Variants in ATG4A observed in about 807,000 individuals in gnomAD.
ATG4A encodes the protein cysteine protease ATG4A.
In ATG4A, 22 loss-of-function variants were observed where a neutral mutation model predicts 38.4. The observed-to-expected ratio is 0.57, with a 90% CI of 0.41 to 0.82. The LOEUF (loss-of-function observed/expected upper bound fraction) is 0.82, where lower values mean the gene tolerates loss of function less well. Ranked by LOEUF, ATG4A falls within the 40% of genes least tolerant of loss-of-function variation. The pLI, the probability that ATG4A is intolerant of heterozygous loss-of-function variation, is 0.00. For missense variants in ATG4A, 220 were observed against 290.0 expected, an observed-to-expected ratio of 0.76 and a Z score of 1.75; for synonymous variants, 86 against 100.7, an observed-to-expected ratio of 0.85 and a Z score of 0.88.
intron 1 of ATG4A, among the ~76,000 whole-genome samples, chrX:108,111,713 CA>C (rs1569302486): frequency 1.8e-5 from 2 of 112,099 alleles, no homozygotes; most frequent in Non-Finnish European, 3.8e-5. Context: ...CGTGTCTCAC[CA>C]AGTAGAGTAA....
chrX:108,119,083 G>C lies in ATG4A; in HGVS notation c.11-6994G>C, dbSNP rs376718360. 1.2e-4 allele frequency among the ~76,000 whole-genome samples: 13 copies of C among 111,842 alleles called. No individual in the cohort carries two copies. The East Asian group carries it at 3.1e-3, about 27-fold the overall frequency. On this transcript the variant is annotated intron_variant, in intron 1 of 12. Transcript: ENST00000372232. Reference sequence around the variant, plus strand: ...ATACAGACTCTCTTAAGAGAGACAAGTGAACACATCTTCTCTTCCTAGGGC... The same window carrying C: ...ATACAGACTCTCTTAAGAGAGACAACTGAACACATCTTCTCTTCCTAGGGC...
chrX:108,096,033 T>C (rs1330283849), intron 1 of ATG4A, among the ~76,000 whole-genome samples: 1 of 112,365 alleles, frequency 8.9e-6, no homozygotes, highest in Admixed American at 9.4e-5. Context: ...TCTTTACCAA[T>C]ACTTATTAAT....
intron 9 of ATG4A, among the ~76,000 whole-genome samples, chrX:108,140,933 T>C (rs971412168): frequency 1.5e-5 from 1 of 65,920 alleles, no homozygotes; most frequent in African/African-American, 5.4e-5. Context: ...TATACATATA[T>C]ATACATATAT....
intron 1 of ATG4A, among the ~76,000 whole-genome samples, chrX:108,117,371 G>A (rs1293540090): frequency 9.0e-6 from 1 of 111,527 alleles, no homozygotes; most frequent in African/African-American, 3.3e-5. Flanking sequence ...CATAAAGGAG[G>A]TATAAATTAA....
intron 1 of ATG4A, among the ~76,000 whole-genome samples, chrX:108,120,653 A>G (rs1602638076): frequency 8.9e-6 from 1 of 112,407 alleles, no homozygotes. Context: ...TCTGTAAGAA[A>G]TGTCATATTT....
Position 108,150,233 on chromosome X carries a change from C to T in ATG4A, c.896C>T (p.Thr299Ile). Residue 299 changes from threonine (T) to isoleucine (I), a missense_variant, in exon 10 of 13, where the codon ACT (threonine) becomes ATT (isoleucine). Thr to Ile is a moderately conservative substitution (Grantham distance 89). Around this residue, in one of 3 missense-constraint regions of ATG4A, gnomAD observed 159 missense variants for 188.9 expected, o/e 0.84. Coordinates refer to ENST00000372232, the MANE Select transcript of ATG4A (RefSeq NM_052936.5). The stretch of plus-strand genomic sequence containing the variant: ...GAGAATGGAACGGTTAATGACCAGA[C>T]TTTCCATTGCCTGCAGTCCCCACAG... The part of the protein sequence containing the change: ...TEENGTVNDQ[T>I]FHCLQSPQRM... 6 of 1,212,109 alleles carry T rather than the reference C, an allele frequency of 5.0e-6. No individual in the cohort carries two copies. Among genetic ancestry groups the T allele is most frequent in the Non-Finnish European group, 6.7e-6 (6 of 895,524 alleles).
At chrX:108,140,122 T>C (rs965908747) in intron 9 of ATG4A, among the ~76,000 whole-genome samples, 3 of 111,659 alleles carry the variant, frequency 2.7e-5, no homozygotes, top group African/African-American at 9.8e-5. Flanking sequence ...TGGAGGAATC[T>C]CAGTGAATAG....
chrX:108,118,826 T>G (rs1466361696), intron 1 of ATG4A, among the ~76,000 whole-genome samples: 1 of 112,396 alleles, frequency 8.9e-6, no homozygotes, highest in Non-Finnish European at 1.9e-5. Context: ...TTTCCTCCTT[T>G]TGTGCATTTT....
rs781179424 is a variant in ATG4A at position 108,126,673 on chromosome X, G to C, written c.121+486G>C. 1.4e-5 allele frequency: 11 copies of C among 793,356 alleles called. No homozygotes were observed. In the South Asian group the frequency reaches 2.1e-4, roughly 15 times the overall value. 65.4% of individuals were successfully genotyped at this position (793,356 alleles called of 1,213,427 possible). On this transcript the variant is annotated intron_variant, in intron 2 of 12. Transcript: ENST00000372232. ...AGACCTAAGTTTTTCTTAAGTTTTAGATCTTTTGCTGACCGTAGCACTGTC... is the reference window on the plus strand; with the variant it reads ...AGACCTAAGTTTTTCTTAAGTTTTACATCTTTTGCTGACCGTAGCACTGTC...
intron 3 of ATG4A, among the ~76,000 whole-genome samples, chrX:108,129,569 C>CTTTTTT (rs764613277): frequency 1.0e-5 from 1 of 96,173 alleles, no homozygotes; most frequent in African/African-American, 3.7e-5. Context: ...TCTTTTCTTT[C>CTTTTTT]TTTTTTTTTT....
At chrX:108,114,724 G>A (rs888043542) in intron 1 of ATG4A, among the ~76,000 whole-genome samples, 1 of 111,402 alleles carries the variant, frequency 9.0e-6, no homozygotes. Context: ...AGGTTAGTTG[G>A]TGGTTTTTAA....
chrX:108,148,766 A>G (rs1183967045), intron 9 of ATG4A, among the ~76,000 whole-genome samples: 1 of 111,829 alleles, frequency 8.9e-6, no homozygotes, highest in African/African-American at 3.3e-5. Flanking sequence ...CTTTTTCAGT[A>G]TCACTGATCT....
At chrX:108,148,454 G>GGA (rs2033490890) in intron 9 of ATG4A, among the ~76,000 whole-genome samples, 1 of 90,844 alleles carries the variant, frequency 1.1e-5, no homozygotes, top group African/African-American at 4.1e-5. Context: ...TCACACAGAG[G>GGA]GAGACCCTGT....
Position 108,093,723 on chromosome X carries a change from A to G in ATG4A, c.10+1887A>G, listed in dbSNP as rs181917363. Among the ~76,000 whole-genome samples, 796 of 112,028 alleles carry G rather than the reference A, an allele frequency of 7.1e-3. 3 individuals carry two copies. Among genetic ancestry groups the G allele is most frequent in the African/African-American group, 0.024 (731 of 30,846 alleles). On this transcript the variant is annotated intron_variant, in intron 1 of 12. Transcript: ENST00000372232. ...TTCCTGTTTCTCCACATCCTTGCCA[A>G]CATTTGTTATTTACTGTGTTTTTTG... is the stretch of plus-strand genomic sequence containing the variant.
chrX:108,110,010 T>C (rs1259105836), intron 1 of ATG4A, among the ~76,000 whole-genome samples: 5 of 110,758 alleles, frequency 4.5e-5, no homozygotes, highest in African/African-American at 1.6e-4. Flanking sequence ...ATTTTGGTTT[T>C]ATTAATTGAC....
At chrX:108,146,100 G>A (rs1031312124) in intron 9 of ATG4A, among the ~76,000 whole-genome samples, 1 of 111,452 alleles carries the variant, frequency 9.0e-6, no homozygotes, top group Non-Finnish European at 1.9e-5. Context: ...ATGGGAGAGC[G>A]ATTCACTGCA....
intron 1 of ATG4A, among the ~76,000 whole-genome samples, chrX:108,101,803 T>A (rs2032023000): frequency 9.2e-6 from 1 of 108,959 alleles, no homozygotes; most frequent in Admixed American, 9.9e-5. Flanking sequence ...CATAACTAAT[T>A]TAGATATATA....
At chrX:108,125,845 G>A (rs1435469248) in intron 1 of ATG4A, among the ~76,000 whole-genome samples, 2 of 112,078 alleles carry the variant, frequency 1.8e-5, no homozygotes, top group Non-Finnish European at 3.8e-5. Flanking sequence ...TTTAGAGATG[G>A]TGTTAAATGG....
chrX:108,091,726 T>C (rs1490498986), upstream of ATG4A: 3 of 1,106,582 alleles, frequency 2.7e-6, no homozygotes, highest in Non-Finnish European at 3.7e-6. Flanking sequence ...CCTCACAGAC[T>C]TGGCCCCTAG....
Sources: gnomAD v4.1 joint callset for allele counts (sites outside exome capture counted in the v4.1 genomes callset) on GRCh38, gnomAD v4.1.1 for gene constraint, gnomAD v4.1.1 regional missense constraint, MANE v1.5 for transcripts, NCBI Gene and HGNC (gene_info 2026-07-23, HGNC 2026-07-21) for gene names.